Variants in RNF216 observed in about 807,000 individuals in gnomAD.
RNF216 encodes the protein ring finger protein 216.
A neutral mutation model predicts 110.8 loss-of-function variants in RNF216; 72 were observed. The observed-to-expected ratio is 0.65, with a 90% CI of 0.54 to 0.79. RNF216 has a LOEUF of 0.79. Ranked by LOEUF, RNF216 falls within the 30% of genes least tolerant of loss-of-function variation. RNF216 has a pLI of 0.00. For synonymous variants in RNF216, 495 were observed against 407.5 expected (o/e 1.21, Z -2.59); for missense variants, 1,342 against 1,141.2 (o/e 1.18, Z -2.54).
chr7:5,724,070 T>C (rs1793606786), intron 8 of RNF216, among the ~76,000 whole-genome samples: 2 of 152,220 alleles, frequency 1.3e-5, no homozygotes, highest in Admixed American at 6.5e-5. Context: ...AAATGTGAGA[T>C]GCAGCAAAAC....
rs2128632893 is a variant in RNF216, at chr7:5,716,610, G to C, written c.1695+106C>G. The C allele has an allele frequency of 3.7e-6, 3 of 810,928 alleles. No homozygotes were observed. In the East Asian group the frequency reaches 7.5e-5, roughly 20 times the overall value. The allele number at this position is 810,928 out of a possible 1,614,324, so 50.2% of individuals were successfully genotyped here. On this transcript the variant is annotated intron_variant, in intron 10 of 16. Transcript: ENST00000389902. Reference sequence around the variant, plus strand: ...GCTGAACTGCAAACTCACCAAACAGGAGGTTATCCAAAAACAAATTTGCCA... The same window carrying C: ...GCTGAACTGCAAACTCACCAAACAGCAGGTTATCCAAAAACAAATTTGCCA...
In RNF216 at chr7:5,728,538, C is replaced by T. The variant is rs532860658; in HGVS notation, c.1389+894G>A. On this transcript the variant is annotated intron_variant, in intron 7 of 16. Coordinates refer to ENST00000389902, the MANE Select transcript of RNF216 (RefSeq NM_207111.4). ...GCAGTGAGCCGAGATTAGGCCACTG[C>T]ACTCCAGCCTGGGCAACAGAGTGAG... Among the ~76,000 whole-genome samples the T allele has an allele frequency of 3.3e-5, 5 of 151,462 alleles. No individual in the cohort carries two copies. In the East Asian group the frequency reaches 7.8e-4, roughly 24 times the overall value.
intron 13 of RNF216, among the ~76,000 whole-genome samples, chr7:5,667,404 A>G (rs1272260056): frequency 6.6e-6 from 1 of 152,220 alleles, no homozygotes; most frequent in African/African-American, 2.4e-5. Context: ...CATTCTCACA[A>G]TAGGAAGTCC....
chr7:5,764,706 C>A (rs1796110255), intron 1 of RNF216, among the ~76,000 whole-genome samples: 1 of 151,548 alleles, frequency 6.6e-6, no homozygotes. Flanking sequence ...AAAATATGAT[C>A]TTTAGGTAGT....
At position 5,631,376 on chromosome 7, in the gene RNF216, C is replaced by T. The variant is rs574664086; in HGVS notation, c.2383-7251G>A. On this transcript the variant is annotated intron_variant, in intron 15 of 16. Coordinates refer to ENST00000389902, the MANE Select transcript of RNF216 (RefSeq NM_207111.4). ...GGGGAGCTTGGGAAAGCTCATAACC[C>T]TCATCTCTTGAGCCAGAAATCTAAG... Among the ~76,000 whole-genome samples, 3 of 152,260 alleles carry T rather than the reference C, an allele frequency of 2.0e-5. No individual in the cohort carries two copies. The South Asian group carries it at 6.2e-4, about 32-fold the overall frequency.
chr7:5,639,671 G>T (rs1787612515), intron 15 of RNF216, among the ~76,000 whole-genome samples: 1 of 151,956 alleles, frequency 6.6e-6, no homozygotes, highest in Non-Finnish European at 1.5e-5. Flanking sequence ...TATTGGTCAG[G>T]CTGGTCTTGA....
intron 13 of RNF216, among the ~76,000 whole-genome samples, chr7:5,672,393 G>C (rs1789975457): frequency 6.6e-6 from 1 of 152,204 alleles, no homozygotes; most frequent in African/African-American, 2.4e-5. Context: ...CGCCAAGTTG[G>C]AGAGTTATGT....
At chr7:5,722,994 A>G (rs1415875315) in intron 8 of RNF216, among the ~76,000 whole-genome samples, 1 of 152,164 alleles carries the variant, frequency 6.6e-6, no homozygotes, top group Admixed American at 6.5e-5. Flanking sequence ...TGGTATTATG[A>G]GAATAGAAAA....
At chr7:5,652,626 T>C (rs1209512580) in intron 13 of RNF216, 116 bp from the exon 14 acceptor site, 1 of 707,026 alleles carries the variant, frequency 1.4e-6, no homozygotes, top group South Asian at 1.6e-5. Context: ...TTTCAGAGGA[T>C]GCCTCTCCTT....
chr7:5,732,415 T>G (rs1284525554), intron 5 of RNF216, among the ~76,000 whole-genome samples: 1 of 152,158 alleles, frequency 6.6e-6, no homozygotes, highest in Non-Finnish European at 1.5e-5. Context: ...CACCTCTACA[T>G]GAAATACAGA....
At chr7:5,670,997 G>A (rs542597940) in intron 13 of RNF216, among the ~76,000 whole-genome samples, 11 of 147,814 alleles carry the variant, frequency 7.4e-5, no homozygotes, top group African/African-American at 2.0e-4. Context: ...GGGAGCTGCC[G>A]GAGTGGCAGC....
chr7:5,650,401 TG>T (rs1300760398), intron 14 of RNF216, among the ~76,000 whole-genome samples: 2 of 152,198 alleles, frequency 1.3e-5, no homozygotes, highest in East Asian at 3.8e-4. Context: ...GGCTGTGCTT[TG>T]TAAGTAATTC....
At chr7:5,757,068 T>C (rs1378542085) in intron 2 of RNF216, among the ~76,000 whole-genome samples, 1 of 152,256 alleles carries the variant, frequency 6.6e-6, no homozygotes, top group East Asian at 1.9e-4. Flanking sequence ...TAATTTTCAT[T>C]GTGATTTCTT....
rs772868322 is a variant in RNF216, at chr7:5,675,714, C to CCTTTTTTTT, written c.2062-23205_2062-23204insAAAAAAAAG. On this transcript the variant is annotated intron_variant, in intron 13 of 16. Coordinates refer to ENST00000389902, the MANE Select transcript of RNF216 (RefSeq NM_207111.4). ...CTATAGCGCTAACTCTATTCAAATT[C>CCTTTTTTTT]TTTTTTTTTTTTGAGGTGGAGTTTC... Among the ~76,000 whole-genome samples the CCTTTTTTTT allele has an allele frequency of 2.1e-5, 3 of 141,222 alleles. 1 individual carries two copies. Among genetic ancestry groups the CCTTTTTTTT allele is most frequent in the African/African-American group, 8.1e-5 (3 of 37,048 alleles). 92.6% of individuals were successfully genotyped at this position (141,222 alleles called of 152,430 possible). A position where few individuals can be genotyped will look rare whatever the true frequency, so the allele number is the denominator to read the frequency against.
chr7:5,677,054 G>C (rs1054566125), intron 13 of RNF216, among the ~76,000 whole-genome samples: 24 of 152,202 alleles, frequency 1.6e-4, no homozygotes, highest in African/African-American at 5.8e-4. Flanking sequence ...CCTGACCTAA[G>C]AGAAATACCA....
intron 16 of RNF216, among the ~76,000 whole-genome samples, chr7:5,623,632 C>T (rs1023369229): frequency 2.6e-5 from 4 of 151,996 alleles, no homozygotes; most frequent in Admixed American, 6.6e-5. Context: ...TGGGGTCTTG[C>T]TATTTTGCCC....
intron 5 of RNF216, among the ~76,000 whole-genome samples, chr7:5,731,916 T>C (rs984158142): frequency 3.9e-5 from 6 of 152,168 alleles, no homozygotes; most frequent in Admixed American, 6.5e-5. Context: ...GAGAGGTTCA[T>C]TGATTCTGCA....
chr7:5,735,597 A>T (rs1290797442), intron 5 of RNF216, among the ~76,000 whole-genome samples: 1 of 152,230 alleles, frequency 6.6e-6, no homozygotes, highest in African/African-American at 2.4e-5. Context: ...GGCTAAAAGA[A>T]CACCCCTGAA....
intron 13 of RNF216, among the ~76,000 whole-genome samples, chr7:5,665,534 A>G (rs536251441): frequency 2.6e-5 from 4 of 152,250 alleles, no homozygotes; most frequent in African/African-American, 9.6e-5. Flanking sequence ...TAGAAGCTTT[A>G]TATGTGGTTT....
Sources: gnomAD v4.1 joint callset for allele counts (sites outside exome capture counted in the v4.1 genomes callset) on GRCh38, gnomAD v4.1.1 for gene constraint, MANE v1.5 for transcripts, NCBI Gene and HGNC (gene_info 2026-07-23, HGNC 2026-07-21) for gene names.